The following PTPRD variants were observed in gnomAD, a reference collection of about 807,000 sequenced individuals.
The protein encoded by PTPRD is receptor-type tyrosine-protein phosphatase delta.
A neutral mutation model predicts 214.5 loss-of-function variants in PTPRD; 34 were observed. The ratio of observed to expected loss-of-function variants is 0.16; its 90% confidence interval spans 0.12 to 0.21. The LOEUF (loss-of-function observed/expected upper bound fraction) is 0.21, where lower values mean the gene tolerates loss of function less well. Ranked by LOEUF, PTPRD falls within the 10% of genes least tolerant of loss-of-function variation. The probability of loss-of-function intolerance (pLI) is 1.00; values close to 1 mark genes in which losing one functional copy is unlikely to be tolerated. For synonymous variants in PTPRD, 1,128 were observed against 845.7 expected (o/e 1.33, Z -5.79); for missense variants, 2,545 against 2,398.7 (o/e 1.06, Z -1.27).
intron 43 of PTPRD, 91 bp downstream of exon 43, chr9:8,338,831 T>C (rs916007801): frequency 2.9e-6 from 3 of 1,022,390 alleles, no homozygotes; most frequent in Non-Finnish European, 2.7e-6. Context: ...AACAGTCAAG[T>C]GGCAAGTGCT....
At chr9:9,918,351 T>TTAA (rs369295718) in intron 5 of PTPRD, among the ~76,000 whole-genome samples, 13 of 101,938 alleles carry the variant, frequency 1.3e-4, no homozygotes, top group Non-Finnish European at 2.0e-4. Context: ...ACCAAAGAGG[T>TTAA]AAAAAAAAAA....
At position 10,103,211 on chromosome 9, in the gene PTPRD, C is replaced by T. The variant is rs535358627; in HGVS notation, c.-544-69421G>A. 7.9e-5 allele frequency among the ~76,000 whole-genome samples: 12 copies of T among 151,176 alleles called. No homozygotes were observed. In the Admixed American group the frequency reaches 8.0e-4, roughly 10 times the overall value. On this transcript the variant is annotated intron_variant, in intron 3 of 45. Transcript: ENST00000381196. ...TACACAGCACTAATATCTGCACATG[C>T]TTTTAATTACTTTATATAGCTTGTC...
Position 10,586,807 on chromosome 9 carries a change from G to C in PTPRD, c.-600+25591C>G, listed in dbSNP as rs536903976. On this transcript the variant is annotated intron_variant, in intron 2 of 45. Transcript: ENST00000381196. ...CAACTTTTTTTTTTTTTTTTACCAT[G>C]CTTCTTTGTCATCAATATAATTAAC... 1.8e-3 allele frequency among the ~76,000 whole-genome samples: 257 copies of C among 146,102 alleles called. 1 individual carries two copies. The highest frequency in any genetic ancestry group is 6.3e-3 in the African/African-American group (249 of 39,664).
chr9:9,260,982 G>A (rs1202264948), intron 9 of PTPRD, among the ~76,000 whole-genome samples: 1 of 151,706 alleles, frequency 6.6e-6, no homozygotes, highest in Non-Finnish European at 1.5e-5. Flanking sequence ...CTTTTTCATT[G>A]TACATTTCAT....
chr9:8,770,967 C>T (rs1391243532), intron 11 of PTPRD, among the ~76,000 whole-genome samples: 1 of 152,100 alleles, frequency 6.6e-6, no homozygotes, highest in East Asian at 1.9e-4. Flanking sequence ...ATCACAAGGT[C>T]AGGAGATTGA....
At chr9:9,079,991 T>G (rs1472193079) in intron 10 of PTPRD, among the ~76,000 whole-genome samples, 1 of 152,094 alleles carries the variant, frequency 6.6e-6, no homozygotes, top group Non-Finnish European at 1.5e-5. Flanking sequence ...ATATTAAATG[T>G]TCAATGACAT....
At chr9:8,698,839 C>T (rs2097997303) in intron 12 of PTPRD, among the ~76,000 whole-genome samples, 1 of 152,152 alleles carries the variant, frequency 6.6e-6, no homozygotes, top group Admixed American at 6.6e-5. Context: ...CTGATTTTTA[C>T]TGTTCTTAAC....
rs79607877 is a variant in PTPRD at position 10,048,020 on chromosome 9, A to T, written c.-544-14230T>A. Among the ~76,000 whole-genome samples, 8 of 152,272 alleles carry T rather than the reference A, an allele frequency of 5.3e-5. No individual in the cohort carries two copies. The East Asian group carries it at 1.5e-3, about 29-fold the overall frequency. On this transcript the variant is annotated intron_variant, in intron 3 of 45. Transcript: ENST00000381196. ...GAACTTTCCAGTTTCCTAAATAAGC[A>T]TTAGCTGTCTCTGAGTTGTATGCTA...
intron 9 of PTPRD, among the ~76,000 whole-genome samples, chr9:9,365,228 A>T (rs2057538493): frequency 6.6e-6 from 1 of 151,554 alleles, no homozygotes; most frequent in South Asian, 2.1e-4. Context: ...GCTTAAGATC[A>T]TGTGTCTCTA....
intron 2 of PTPRD, among the ~76,000 whole-genome samples, chr9:10,351,385 C>G (rs1365109532): frequency 3.9e-5 from 6 of 151,930 alleles, no homozygotes; most frequent in Non-Finnish European, 8.8e-5. Context: ...TTTTACTGCC[C>G]AATTACACTT....
In PTPRD at chr9:8,527,333, C is replaced by T. The variant is rs2074446879; in HGVS notation, c.550+12G>A. On this transcript the variant is annotated intron_variant, in intron 16 of 45. Coordinates refer to ENST00000381196, the MANE Select transcript of PTPRD (RefSeq NM_002839.4). Reference sequence around the variant, plus strand: ...AGTGGGGTTGAAGTGCGCTTCAGAACTAAGCACTTACCAATAGATTCTGGA... The same window carrying T: ...AGTGGGGTTGAAGTGCGCTTCAGAATTAAGCACTTACCAATAGATTCTGGA... 1.2e-6 allele frequency: 2 copies of T among 1,606,728 alleles called. No homozygotes were observed. The highest frequency in any genetic ancestry group is 3.3e-5 in the Admixed American group (2 of 59,812).
At chr9:8,858,478 G>T (rs1048002464) in intron 11 of PTPRD, among the ~76,000 whole-genome samples, 9 of 152,232 alleles carry the variant, frequency 5.9e-5, no homozygotes, top group African/African-American at 1.9e-4. Flanking sequence ...AGAAGAGGTG[G>T]TTTGGGGAGG....
rs752550696 is a variant in PTPRD, at chr9:8,485,854, G to C, written c.2963C>G (p.Thr988Ser). ...TMTLTGLKPD[T>S]TYDVKVRAHT... ...AGCACGTACTTTTACATCGTATGTG[G>C]TATCTGGTTTTAAGCCAGTGAGTGT... Residue 988 changes from threonine (T) to serine (S), a missense_variant, in exon 28 of 46, where the codon ACC becomes AGC. By Grantham distance (58) the Thr-to-Ser change is moderately conservative. Transcript: ENST00000381196. 5.0e-5 allele frequency: 81 copies of C among 1,614,028 alleles called. No homozygotes were observed. Among genetic ancestry groups the C allele is most frequent in the Non-Finnish European group, 6.4e-5 (76 of 1,180,030 alleles).
intron 6 of PTPRD, among the ~76,000 whole-genome samples, chr9:9,746,966 C>G (rs2098464593): frequency 6.6e-6 from 1 of 151,940 alleles, no homozygotes; most frequent in South Asian, 2.1e-4. Flanking sequence ...CAGTAGTAGC[C>G]CTGTAGGTGT....
At chr9:9,634,985 A>G (rs916619630) in intron 7 of PTPRD, among the ~76,000 whole-genome samples, 3 of 152,196 alleles carry the variant, frequency 2.0e-5, no homozygotes, top group Non-Finnish European at 4.4e-5. Flanking sequence ...GGATATGTGA[A>G]ACACAAATGA....
chr9:9,073,057 A>T (rs2099746102), intron 10 of PTPRD, among the ~76,000 whole-genome samples: 1 of 152,198 alleles, frequency 6.6e-6, no homozygotes, highest in South Asian at 2.1e-4. Context: ...TAATGGTGAA[A>T]CCAATGGAAG....
intron 3 of PTPRD, among the ~76,000 whole-genome samples, chr9:10,243,877 T>C (rs940161037): frequency 6.6e-6 from 1 of 152,138 alleles, no homozygotes; most frequent in African/African-American, 2.4e-5. Context: ...TAATCATTTT[T>C]TTTTCTGTCC....
At chr9:10,213,938 C>T (rs1311388690) in intron 3 of PTPRD, among the ~76,000 whole-genome samples, 1 of 151,978 alleles carries the variant, frequency 6.6e-6, no homozygotes, top group Non-Finnish European at 1.5e-5. Context: ...CAGCATATTG[C>T]TGGGAAGAAA....
chr9:9,529,184 G>C (rs1047085178), intron 8 of PTPRD, among the ~76,000 whole-genome samples: 2 of 150,866 alleles, frequency 1.3e-5, no homozygotes, highest in African/African-American at 4.9e-5. Context: ...CGCCCGCCTT[G>C]GCCTCCCAAA....
Sources: allele counts gnomAD v4.1 joint callset (sites outside exome capture counted in the v4.1 genomes callset), GRCh38; gene constraint gnomAD v4.1.1; transcripts MANE v1.5; gene names NCBI Gene and HGNC (gene_info 2026-07-23, HGNC 2026-07-21).